SLC30A5: variants seen among roughly 807,000 people sequenced by gnomAD.
SLC30A5 encodes the protein proton-coupled zinc antiporter SLC30A5.
Under a neutral mutation model 79.6 loss-of-function variants are expected in SLC30A5, and 33 were observed. The ratio of observed to expected loss-of-function variants is 0.41; its 90% CI spans 0.31 to 0.55. The LOEUF is 0.55. Among genes scored for constraint, SLC30A5 ranks in the 20% least tolerant of loss-of-function variants. The probability of loss-of-function intolerance (pLI) is 0.20; values close to 1 mark genes in which losing one functional copy is unlikely to be tolerated. For synonymous variants in SLC30A5, 299 were observed against 319.7 expected (o/e 0.94, Z 0.69); for missense variants, 788 against 928.1 (o/e 0.85, Z 1.96).
chr5:69,115,134 G>GA (rs1746328970), intron 7 of SLC30A5, 103 bp from the exon 8 acceptor site: 2 of 659,986 alleles, frequency 3.0e-6, no homozygotes, highest in Non-Finnish European at 2.3e-6. Flanking sequence ...CTGTCTCTGG[G>GA]GAAAAAAAAA....
chr5:69,119,579 G>T (rs1471244912), intron 12 of SLC30A5, among the ~76,000 whole-genome samples: 1 of 152,152 alleles, frequency 6.6e-6, no homozygotes, highest in East Asian at 1.9e-4. Context: ...ACAAAAAGCA[G>T]CTCTGGCTCT....
In SLC30A5 at chr5:69,130,267, T is replaced by C. The variant is rs577558260; in HGVS notation, c.*650T>C. 4.6e-5 allele frequency: 7 copies of C among 152,296 alleles called. No homozygotes were observed. The highest frequency in any genetic ancestry group is 1.7e-4 in the African/African-American group (7 of 41,580). 9.4% of individuals were successfully genotyped at this position (152,296 alleles called of 1,614,324 possible). A position where few individuals can be genotyped will look rare whatever the true frequency, so the allele number is the denominator to read the frequency against. On this transcript the variant is annotated 3_prime_UTR_variant, in exon 16 of 16. Transcript: ENST00000396591. ...AATAAATTTTTTTTACTTTTGGTAA[T>C]ATTTGCAAATGAATAATTAATTTAT...
rs766309768 is a variant in SLC30A5 at position 69,117,381 on chromosome 5, G to C, written c.1424G>C (p.Arg475Pro). The change falls in exon 11 of 16, where the codon CGG (arginine) becomes CCG (proline). Residue 475 changes from arginine to proline, a missense_variant. This residue lies in a region of SLC30A5 where 626 missense variants were observed against 755.5 expected (regional missense o/e 0.83). Coordinates refer to ENST00000396591, the MANE Select transcript of SLC30A5 (RefSeq NM_022902.5). Reference protein sequence around the residue: ...AALMSRWKATRIFSYGYGRIE... With the variant: ...AALMSRWKATPIFSYGYGRIE... The stretch of plus-strand genomic sequence containing the variant: ...CTGATGAGTAGGTGGAAAGCCACTC[G>C]GATTTTCTCCTATGGGTAGGTACAT... 6.2e-7 allele frequency: 1 copy of C among 1,613,528 alleles called. No homozygotes were observed. The highest frequency in any genetic ancestry group is 1.3e-5 in the African/African-American group (1 of 74,796).
At chr5:69,099,577 G>C (rs977932163) in intron 1 of SLC30A5, among the ~76,000 whole-genome samples, 2 of 152,080 alleles carry the variant, frequency 1.3e-5, no homozygotes, top group East Asian at 3.9e-4. Flanking sequence ...AGAGATCCTC[G>C]TCTTTTCAGC....
chr5:69,097,618 C>T (rs952126320), intron 1 of SLC30A5, among the ~76,000 whole-genome samples: 96 of 152,226 alleles, frequency 6.3e-4, no homozygotes, highest in Middle Eastern at 3.4e-3. Flanking sequence ...CAGATGTGCA[C>T]CATCATGCCC....
chr5:69,104,379 TG>T, intron 3 of SLC30A5: 1 of 897,424 alleles, frequency 1.1e-6, no homozygotes, highest in Non-Finnish European at 1.5e-6. Context: ...TGACCTCAGG[TG>T]ATCTGCCTGC....
At chr5:69,094,458 CT>C in intron 1 of SLC30A5, 120 bp downstream of exon 1, 5 of 1,058,810 alleles carry the variant, frequency 4.7e-6, no homozygotes, top group Non-Finnish European at 6.0e-6. Flanking sequence ...CCCTCTCCCC[CT>C]GCCTGCCTCC....
intron 14 of SLC30A5, among the ~76,000 whole-genome samples, chr5:69,126,292 T>C (rs1746686116): frequency 6.6e-6 from 1 of 152,138 alleles, no homozygotes. Context: ...TAGTACATCA[T>C]GGGGTTTTTT....
Position 69,094,269 on chromosome 5 carries a change from A to G in SLC30A5, c.14A>G (p.Tyr5Cys). Residue 5 changes from tyrosine to cysteine, a missense_variant, in exon 1 of 16, where the codon TAC (tyrosine) becomes TGC (cysteine). By Grantham distance (194) the Tyr-to-Cys change is radical (BLOSUM62 -2). Transcript: ENST00000396591. ...GTGAGCCCCGGGATGGAGGAGAAATACGGCGGGGACGTGCTGGCCGGCCCC... is the reference window on the plus strand; with the variant it reads ...GTGAGCCCCGGGATGGAGGAGAAATGCGGCGGGGACGTGCTGGCCGGCCCC... Reference protein sequence around the residue: MEEKYGGDVLAGPGG... With the variant: MEEKCGGDVLAGPGG... 5 of 1,258,532 alleles carry G rather than the reference A, an allele frequency of 4.0e-6. No individual in the cohort carries two copies. Among genetic ancestry groups the G allele is most frequent in the Non-Finnish European group, 5.0e-6 (5 of 994,332 alleles). The allele number at this position is 1,258,532 out of a possible 1,614,324, so 78.0% of individuals were successfully genotyped here. A position where few individuals can be genotyped will look rare whatever the true frequency, so the allele number is the denominator to read the frequency against.
intron 5 of SLC30A5, among the ~76,000 whole-genome samples, chr5:69,110,997 CTT>C (rs565058785): frequency 7.7e-5 from 11 of 142,668 alleles, no homozygotes; most frequent in Non-Finnish European, 9.3e-5. Flanking sequence ...ATTGTTTTTT[CTT>C]TTTTTTTTTT....
At chr5:69,099,409 T>C (rs1745842069) in intron 1 of SLC30A5, among the ~76,000 whole-genome samples, 1 of 152,216 alleles carries the variant, frequency 6.6e-6, no homozygotes. Flanking sequence ...CCTAAAAACA[T>C]GGACATTCTC....
intron 11 of SLC30A5, 94 bp from the exon 12 acceptor site, chr5:69,118,405 G>A: frequency 1.1e-6 from 1 of 906,686 alleles, no homozygotes; most frequent in Admixed American, 3.3e-5. Flanking sequence ...TTACTTAGTA[G>A]TATGAAAATT....
chr5:69,127,461 T>G (rs1746728843), intron 14 of SLC30A5, among the ~76,000 whole-genome samples: 1 of 133,150 alleles, frequency 7.5e-6, no homozygotes, highest in African/African-American at 3.0e-5. Flanking sequence ...AAACCCCATC[T>G]GTACTAAAAT....
At chr5:69,097,535 A>T (rs1011596448) in intron 1 of SLC30A5, among the ~76,000 whole-genome samples, 2 of 151,732 alleles carry the variant, frequency 1.3e-5, no homozygotes, top group Non-Finnish European at 2.9e-5. Flanking sequence ...TAAAATAATC[A>T]TGGCTCACTG....
chr5:69,117,305 T>G lies in SLC30A5; in HGVS notation c.1348T>G (p.Phe450Val). Residue 450 changes from phenylalanine to valine, a missense_variant, in exon 11 of 16, where the codon TTC (phenylalanine) becomes GTC (valine). Phe to Val is a conservative substitution (Grantham distance 50). Transcript: ENST00000396591. The stretch of plus-strand genomic sequence containing the variant: ...TAGTCTGGGCCTGATCTCGGATGGA[T>G]TCCACATGCTTTTTGACTGCTCTGC... ...TNSLGLISDG[F>V]HMLFDCSALV... is the part of the protein sequence containing the mutation. 6.2e-7 allele frequency: 1 copy of G among 1,614,034 alleles called. No individual in the cohort carries two copies. Among genetic ancestry groups the G allele is most frequent in the Non-Finnish European group, 8.5e-7 (1 of 1,179,960 alleles).
intron 1 of SLC30A5, among the ~76,000 whole-genome samples, chr5:69,097,109 C>CTT (rs1228027917): frequency 0.043 from 3,780 of 87,772 alleles, 220 homozygotes; most frequent in African/African-American, 0.049. Flanking sequence ...CTCTCTTTTT[C>CTT]TTTTTTTTTT....
intron 7 of SLC30A5, 33 bp from the exon 8 acceptor site, chr5:69,115,203 GT>G (rs1193612926): frequency 8.1e-7 from 1 of 1,231,534 alleles, no homozygotes; most frequent in African/African-American, 1.5e-5. Context: ...AACTGTGTGT[GT>G]TTCTAATGAG....
chr5:69,116,916 T>G lies in SLC30A5; in HGVS notation c.1281+314T>G, dbSNP rs1203364121. The stretch of plus-strand genomic sequence containing the variant: ...GTTCTAATAACTTACAGGATCTCAC[T>G]ATTAGCAATCAGTGTTATAAATCAC... On this transcript the variant is annotated intron_variant, in intron 10 of 15. Coordinates refer to ENST00000396591, the MANE Select transcript of SLC30A5 (RefSeq NM_022902.5). This position sits in a 1 kb window ranked among gnomAD's most constrained non-coding sequence, Gnocchi z 4.0. Among the ~76,000 whole-genome samples the G allele has an allele frequency of 6.6e-6, 1 of 152,218 alleles. No individual in the cohort carries two copies. Among genetic ancestry groups the G allele is most frequent in the Non-Finnish European group, 1.5e-5 (1 of 68,034 alleles).
rs773264607 is a variant in SLC30A5 at position 69,116,121 on chromosome 5, C to A, written c.979C>A (p.Gln327Lys). Residue 327 changes from glutamine (Q) to lysine (K), a missense_variant, in exon 9 of 16, where the codon CAG (glutamine) becomes AAG (lysine). This residue lies in a region of SLC30A5 where 626 missense variants were observed against 755.5 expected (regional missense o/e 0.83). Coordinates refer to ENST00000396591, the MANE Select transcript of SLC30A5 (RefSeq NM_022902.5). This position sits in a 1 kb window ranked among gnomAD's most constrained non-coding sequence, Gnocchi z 4.0. ...GNFWTHPITD[Q>K]LRAMNKAAHQ... ...TTTTTGGACACATCCAATAACAGAC[C>A]AGCTTCGGGCTATGAACAAAGCAGC... is the stretch of plus-strand genomic sequence containing the variant. 10 of 1,614,016 alleles carry A rather than the reference C, an allele frequency of 6.2e-6. No individual in the cohort carries two copies. Among genetic ancestry groups the A allele is most frequent in the Non-Finnish European group, 8.5e-6 (10 of 1,180,034 alleles).
Sources: allele counts gnomAD v4.1 joint callset (sites outside exome capture counted in the v4.1 genomes callset), GRCh38; gene constraint gnomAD v4.1.1; regional missense constraint gnomAD v4.1.1; non-coding constraint Gnocchi (gnomAD v3.1); transcripts MANE v1.5; gene names NCBI Gene and HGNC (gene_info 2026-07-23, HGNC 2026-07-21).